PLXNA4: variants seen among roughly 807,000 people sequenced by gnomAD.
PLXNA4 encodes plexin A4.
A neutral mutation model predicts 191.8 loss-of-function variants in PLXNA4; 44 were observed. The ratio of observed to expected loss-of-function variants is 0.23; its 90% CI spans 0.18 to 0.29. PLXNA4 has a LOEUF of 0.29. Ranked by LOEUF, PLXNA4 falls within the 10% of genes least tolerant of loss-of-function variation. The probability of loss-of-function intolerance (pLI) is 1.00; values close to 1 mark genes in which losing one functional copy is unlikely to be tolerated. For missense variants in PLXNA4, 1,800 were observed against 2,488.8 expected (o/e 0.72, Z 5.89); for synonymous variants, 1,082 against 1,009.5 (o/e 1.07, Z -1.36).
intron 1 of PLXNA4, among the ~76,000 whole-genome samples, chr7:132,563,758 CTCCTTTTCCTCTTCCTCCTCCTCT>C (rs1801520047): frequency 9.2e-6 from 1 of 108,832 alleles, no homozygotes; most frequent in Non-Finnish European, 1.9e-5. Context: ...CCTCCTTCTC[CTCCTTTTCCTCTTCCTCCTCCTCT>C]TCCTCCTCCT....
intron 3 of PLXNA4, among the ~76,000 whole-genome samples, chr7:132,414,309 G>A (rs1794575746): frequency 6.6e-6 from 1 of 152,186 alleles, no homozygotes; most frequent in Admixed American, 6.5e-5. Flanking sequence ...TCATCCACCA[G>A]TGAGTAATGG....
At chr7:132,586,255 T>G (rs553837531) in intron 2 of PLXNA4, among the ~76,000 whole-genome samples, 1 of 152,350 alleles carries the variant, frequency 6.6e-6, no homozygotes, top group Admixed American at 6.5e-5. Flanking sequence ...AGAGGAGACA[T>G]GGTCATCAGA....
intron 2 of PLXNA4, among the ~76,000 whole-genome samples, chr7:132,615,492 G>T (rs185669885): frequency 6.3e-4 from 96 of 152,314 alleles, no homozygotes; most frequent in Admixed American, 1.6e-3. Context: ...TGGGTTGCAG[G>T]CTTTGGCTGA....
intron 16 of PLXNA4, 135 bp from the exon 17 acceptor site, chr7:132,182,325 T>A: frequency 1.4e-6 from 2 of 1,390,868 alleles, no homozygotes; most frequent in South Asian, 1.5e-5. Flanking sequence ...GGGACAAGGA[T>A]GACAAGCTGA....
chr7:132,309,260 G>A (rs911576993), intron 3 of PLXNA4, among the ~76,000 whole-genome samples: 17 of 152,168 alleles, frequency 1.1e-4, no homozygotes, highest in African/African-American at 3.6e-4. Context: ...GAGGGGAAGT[G>A]GAGAACCACA....
intron 20 of PLXNA4, among the ~76,000 whole-genome samples, chr7:132,175,281 G>A (rs1796420626): frequency 6.6e-6 from 1 of 152,272 alleles, no homozygotes; most frequent in African/African-American, 2.4e-5. Flanking sequence ...GGAGGGGGAT[G>A]TAGAGGGATG....
intron 5 of PLXNA4, among the ~76,000 whole-genome samples, chr7:132,237,742 T>C (rs911716513): frequency 6.6e-6 from 1 of 152,264 alleles, no homozygotes; most frequent in African/African-American, 2.4e-5. Context: ...GTGCCATCAC[T>C]GTGAGAAGGT....
intron 3 of PLXNA4, among the ~76,000 whole-genome samples, chr7:132,471,512 C>T (rs894267352): frequency 6.6e-5 from 10 of 152,126 alleles, no homozygotes; most frequent in Admixed American, 3.3e-4. Flanking sequence ...CATGGGGGCA[C>T]CTCACCTGTT....
At chr7:132,518,996 C>T (rs1233568786) in intron 1 of PLXNA4, among the ~76,000 whole-genome samples, 5 of 152,352 alleles carry the variant, frequency 3.3e-5, no homozygotes, top group Non-Finnish European at 7.3e-5. Context: ...TCCATTACCA[C>T]GTGGAGATCG....
intron 3 of PLXNA4, among the ~76,000 whole-genome samples, chr7:132,336,727 G>A (rs1196116323): frequency 6.6e-6 from 1 of 152,210 alleles, no homozygotes; most frequent in Non-Finnish European, 1.5e-5. Context: ...GAACATTCAG[G>A]CTGCAAAGCT....
In PLXNA4 at chr7:132,640,460, T is replaced by TAAG. The variant is rs746590001; in HGVS notation, c.-87+5467_-87+5468insCTT. On this transcript the variant is annotated intron_variant, in intron 2 of 4. Coordinates refer to the PLXNA4 transcript ENST00000378539. ...GTAATTAAGGTTAAATGAGGTCATA[T>TAAG]GACTGGTGTCCTTATAAGAATAGGA... Among the ~76,000 whole-genome samples the TAAG allele has an allele frequency of 2.1e-4, 32 of 152,312 alleles. No homozygotes were observed. In the South Asian group the frequency reaches 6.4e-3, roughly 31 times the overall value.
chr7:132,303,399 T>C (rs1263929775), intron 3 of PLXNA4, among the ~76,000 whole-genome samples: 1 of 151,556 alleles, frequency 6.6e-6, no homozygotes, highest in East Asian at 2.0e-4. Flanking sequence ...TGAAACCCTG[T>C]CTCTACTAAA....
intron 3 of PLXNA4, among the ~76,000 whole-genome samples, chr7:132,378,764 T>G (rs1804765949): frequency 6.6e-6 from 1 of 151,890 alleles, no homozygotes; most frequent in South Asian, 2.1e-4. Flanking sequence ...TTTCACTCAA[T>G]GGTATCAGGA....
chr7:132,433,833 A>G (rs949816430), intron 3 of PLXNA4, among the ~76,000 whole-genome samples: 5 of 152,140 alleles, frequency 3.3e-5, no homozygotes, highest in Non-Finnish European at 5.9e-5. Context: ...CATATTGGAA[A>G]ATTCCCTCCA....
intron 3 of PLXNA4, among the ~76,000 whole-genome samples, chr7:132,459,744 G>C (rs1796433900): frequency 6.6e-6 from 1 of 152,152 alleles, no homozygotes; most frequent in Admixed American, 6.5e-5. Flanking sequence ...ATCTGAAGTG[G>C]GGAGGCTCCC....
At chr7:132,233,145 G>T (rs1798580062) in intron 5 of PLXNA4, among the ~76,000 whole-genome samples, 1 of 152,188 alleles carries the variant, frequency 6.6e-6, no homozygotes, top group South Asian at 2.1e-4. Context: ...TAATAGAAAA[G>T]TTAAGATAAT....
At chr7:132,396,860 G>T (rs1793785676) in intron 3 of PLXNA4, among the ~76,000 whole-genome samples, 1 of 152,260 alleles carries the variant, frequency 6.6e-6, no homozygotes, top group African/African-American at 2.4e-5. Context: ...ACGGTGCAGT[G>T]CACCCTCTCC....
intron 2 of PLXNA4, among the ~76,000 whole-genome samples, chr7:132,494,228 C>T (rs1487211205): frequency 2.6e-5 from 4 of 152,246 alleles, no homozygotes; most frequent in Non-Finnish European, 4.4e-5. Flanking sequence ...TTCCAGAATC[C>T]GATAGACATT....
chr7:132,568,202 G>A (rs1399664132), intron 1 of PLXNA4, among the ~76,000 whole-genome samples: 3 of 152,160 alleles, frequency 2.0e-5, no homozygotes, highest in Non-Finnish European at 4.4e-5. Context: ...TCTTAAAACT[G>A]GGAGGGTGGC....
Sources: gnomAD v4.1 joint callset for allele counts (sites outside exome capture counted in the v4.1 genomes callset) on GRCh38, gnomAD v4.1.1 for gene constraint, MANE v1.5 for transcripts, NCBI Gene and HGNC (gene_info 2026-07-23, HGNC 2026-07-21) for gene names.